DESI1: variants seen among roughly 807,000 people sequenced by gnomAD.
DESI1 encodes desumoylating isopeptidase 1, also known as PPPDE peptidase domain containing 2.
DESI1 carries 17 observed loss-of-function variants against 22.4 expected under a neutral mutation model. That is an observed-to-expected ratio of 0.76 (90% CI 0.52 to 1.14). DESI1 has a LOEUF of 1.14. DESI1 is among the 50% of genes most tolerant of loss of function. The pLI is 0.00. For synonymous variants in DESI1, 92 were observed against 84.2 expected (o/e 1.09, Z -0.51); for missense variants, 177 against 208.9 (o/e 0.85, Z 0.94).
chr22:41,609,853 C>T (rs1462113550), intron 1 of DESI1, among the ~76,000 whole-genome samples: 2 of 151,280 alleles, frequency 1.3e-5, no homozygotes, highest in African/African-American at 2.4e-5. Context: ...TTTGGGAGGC[C>T]GAGGCGGGCA....
chr22:41,601,305 G>T (rs1251088383), intron 5 of DESI1, 115 bp from the exon 6 acceptor site: 8 of 925,480 alleles, frequency 8.6e-6, no homozygotes, highest in African/African-American at 1.7e-5. Flanking sequence ...AGCAGAAGCA[G>T]CACCAGCAGA....
chr22:41,609,620 A>G (rs763320254), intron 1 of DESI1, among the ~76,000 whole-genome samples: 57 of 149,090 alleles, frequency 3.8e-4, no homozygotes, highest in Non-Finnish European at 6.2e-4. Flanking sequence ...AGAGAAACCC[A>G]GTCTTTACTA....
At chr22:41,603,962 T>C (rs902163465) in intron 4 of DESI1, 82 bp downstream of exon 4, 40 of 1,265,672 alleles carry the variant, frequency 3.2e-5, no homozygotes, top group Admixed American at 4.0e-5. Context: ...ATAAGGATGA[T>C]ATGACATGGC....
chr22:41,601,219 T>C (rs747449954), intron 5 of DESI1, 29 bp from the exon 6 acceptor site: 12 of 1,583,986 alleles, frequency 7.6e-6, no homozygotes, highest in Non-Finnish European at 1.0e-5. Context: ...ATGAGAGGGG[T>C]GGGCTCTGGG....
chr22:41,610,873 CAA>C (rs132763), intron 1 of DESI1, among the ~76,000 whole-genome samples: 8 of 139,598 alleles, frequency 5.7e-5, no homozygotes, highest in Admixed American at 7.3e-5. Context: ...AACTCTGTCT[CAA>C]AAAAAAAAAA....
chr22:41,604,339 G>A (rs980255606), intron 3 of DESI1, 186 bp from the exon 4 acceptor site: 24 of 460,752 alleles, frequency 5.2e-5, no homozygotes, highest in Admixed American at 8.1e-5. Flanking sequence ...TCCGCCTCCC[G>A]GGTTCAAGTG....
rs989634320 is a variant in DESI1, at chr22:41,600,899, T to C, written c.*198A>G. On this transcript the variant is annotated 3_prime_UTR_variant, in exon 6 of 6. Coordinates refer to ENST00000263256, the MANE Select transcript of DESI1 (RefSeq NM_015704.3). ...CCTTAATAAATTAGTATAATACTAT[T>C]AGAAGGGGTGGCATTTTGTTCTGTT... 6 of 583,986 alleles carry C rather than the reference T, an allele frequency of 1.0e-5. No individual in the cohort carries two copies. The highest frequency in any genetic ancestry group is 4.6e-4 in the Middle Eastern group (1 of 2,184). The allele number at this position is 583,986 out of a possible 1,614,324, so 36.2% of individuals were successfully genotyped here.
Position 41,620,901 on chromosome 22 carries a change from C to G in DESI1, c.-62G>C. Reference sequence around the variant, plus strand: ...GGCACCCGGCAGCGGCTTGGACCTTCCCGTACCCGACGGGAGTGCGAAGCG... The same window carrying G: ...GGCACCCGGCAGCGGCTTGGACCTTGCCGTACCCGACGGGAGTGCGAAGCG... On this transcript the variant is annotated 5_prime_UTR_variant, in exon 1 of 6. Coordinates refer to ENST00000263256, the MANE Select transcript of DESI1 (RefSeq NM_015704.3). 1 of 1,558,830 alleles carries G rather than the reference C, an allele frequency of 6.4e-7. No individual in the cohort carries two copies. Among genetic ancestry groups the G allele is most frequent in the Non-Finnish European group, 8.7e-7 (1 of 1,149,790 alleles).
chr22:41,619,716 A>G (rs1396513720), intron 1 of DESI1, among the ~76,000 whole-genome samples: 1 of 152,200 alleles, frequency 6.6e-6, no homozygotes, highest in African/African-American at 2.4e-5. Context: ...TTAGAAACTC[A>G]AGGACATTGA....
intron 3 of DESI1, 97 bp from the exon 4 acceptor site, chr22:41,604,250 CTTTTTTTTT>C (rs1264626626): frequency 1.8e-5 from 5 of 283,484 alleles, no homozygotes; most frequent in Admixed American, 6.6e-5. Flanking sequence ...TCTGTTCTGA[CTTTTTTTTT>C]TTTTTTTTTT....
chr22:41,600,432 AAG>A lies in DESI1; in HGVS notation c.*663_*664del, dbSNP rs1176648996. On this transcript the variant is annotated 3_prime_UTR_variant, in exon 6 of 6. Coordinates refer to ENST00000263256, the MANE Select transcript of DESI1 (RefSeq NM_015704.3). ...GCAGGTTTCCCAAAATTGATGGCAGAAGATTGGCAATCCATCTAGGTGGAAGG... is the reference window on the plus strand; with the variant it reads ...GCAGGTTTCCCAAAATTGATGGCAGAATTGGCAATCCATCTAGGTGGAAGG... The A allele has an allele frequency of 6.6e-6, 1 of 152,324 alleles. No homozygotes were observed. Among genetic ancestry groups the A allele is most frequent in the Admixed American group, 6.5e-5 (1 of 15,280 alleles). The allele number at this position is 152,324 out of a possible 1,614,324, so 9.4% of individuals were successfully genotyped here.
chr22:41,607,931 T>A, intron 1 of DESI1, 70 bp from the exon 2 acceptor site: 8 of 1,571,464 alleles, frequency 5.1e-6, no homozygotes, highest in Non-Finnish European at 7.0e-6. Context: ...GGTAAATTCA[T>A]GACATCACTC....
intron 5 of DESI1, chr22:41,602,234 C>G (rs997141639): frequency 2.0e-6 from 2 of 985,404 alleles, no homozygotes; most frequent in Non-Finnish European, 2.4e-6. Flanking sequence ...ACAGATGAAA[C>G]CTAGAAATAT....
At chr22:41,620,538 C>A (rs539681655) in intron 1 of DESI1, among the ~76,000 whole-genome samples, 42 of 152,174 alleles carry the variant, frequency 2.8e-4, no homozygotes, top group Non-Finnish European at 5.4e-4. Flanking sequence ...CATCCCTTCC[C>A]CTTGAATTCA....
intron 1 of DESI1, among the ~76,000 whole-genome samples, chr22:41,618,891 C>T (rs898403238): frequency 2.6e-5 from 4 of 152,048 alleles, no homozygotes; most frequent in Non-Finnish European, 5.9e-5. Context: ...AGTGAAACCC[C>T]GTCTATACTA....
At chr22:41,601,478 C>T (rs1405822231) in intron 5 of DESI1, among the ~76,000 whole-genome samples, 1 of 152,172 alleles carries the variant, frequency 6.6e-6, no homozygotes, top group African/African-American at 2.4e-5. Context: ...TTTGAGTAGG[C>T]TGGCTACATA....
In DESI1 at chr22:41,620,946, A is replaced by T; in HGVS notation, c.-107T>A. On this transcript the variant is annotated 5_prime_UTR_variant, in exon 1 of 6. Transcript: ENST00000263256. ...GAAGCGGAGGGAGAGGGGGGGACCG[A>T]GCCCGGGCCCGGGCTGAGGGGTGGG... 7 of 1,139,300 alleles carry T rather than the reference A, an allele frequency of 6.1e-6. No individual in the cohort carries two copies. The highest frequency in any genetic ancestry group is 1.6e-5 in the African/African-American group (1 of 63,044). The allele number at this position is 1,139,300 out of a possible 1,614,324, so 70.6% of individuals were successfully genotyped here. A position where few individuals can be genotyped will look rare whatever the true frequency, so the allele number is the denominator to read the frequency against.
chr22:41,602,131 A>G, intron 5 of DESI1: 3 of 828,028 alleles, frequency 3.6e-6, no homozygotes, highest in African/African-American at 3.7e-5. Context: ...GGTTGCCCAG[A>G]AACTTTTAAG....
At chr22:41,610,830 G>A (rs1398852390) in intron 1 of DESI1, among the ~76,000 whole-genome samples, 2 of 149,660 alleles carry the variant, frequency 1.3e-5, no homozygotes, top group African/African-American at 2.5e-5. Context: ...CTGAGATGGC[G>A]CCATTGTACT....
Sources: gnomAD v4.1 joint callset for allele counts (sites outside exome capture counted in the v4.1 genomes callset) on GRCh38, gnomAD v4.1.1 for gene constraint, MANE v1.5 for transcripts, NCBI Gene and HGNC (gene_info 2026-07-23, HGNC 2026-07-21) for gene names.